The following TULP4 variants were observed in gnomAD, a reference collection of about 807,000 sequenced individuals.
TULP4 encodes TUB like protein 4.
A neutral mutation model predicts 129.0 loss-of-function variants in TULP4; 16 were observed. That is an observed-to-expected ratio of 0.12 (90% CI 0.08 to 0.19). TULP4 has a LOEUF of 0.19. Among genes scored for constraint, TULP4 ranks in the 10% least tolerant of loss-of-function variants. The probability of loss-of-function intolerance (pLI) is 1.00; values close to 1 mark genes in which losing one functional copy is unlikely to be tolerated. For synonymous variants in TULP4, 998 were observed against 854.0 expected (o/e 1.17, Z -2.94); for missense variants, 1,842 against 2,059.1 (o/e 0.89, Z 2.04).
chr6:158,506,222 CTT>C (rs61292138), intron 13 of TULP4, among the ~76,000 whole-genome samples: 25 of 55,494 alleles, frequency 4.5e-4, no homozygotes, highest in African/African-American at 7.0e-4. Context: ...TCGCCTTGTT[CTT>C]TTTTTTTTTT....
Position 158,370,775 on chromosome 6 carries a change from A to G in TULP4, c.253-42290A>G, listed in dbSNP as rs556809912. Among the ~76,000 whole-genome samples the G allele has an allele frequency of 2.6e-5, 4 of 152,356 alleles. No individual in the cohort carries two copies. In the South Asian group the frequency reaches 8.3e-4, roughly 32 times the overall value. Reference sequence around the variant, plus strand: ...CCCAAGTTTAAGCAGGGGTACCCTCACTAGATTGTTGGGGCAAATTGTGCA... The same window carrying G: ...CCCAAGTTTAAGCAGGGGTACCCTCGCTAGATTGTTGGGGCAAATTGTGCA... On this transcript the variant is annotated intron_variant, in intron 1 of 13. Coordinates refer to ENST00000367097, the MANE Select transcript of TULP4 (RefSeq NM_020245.5).
At chr6:158,300,228 C>G (rs1275630225) in intron 1 of TULP4, among the ~76,000 whole-genome samples, 1 of 152,206 alleles carries the variant, frequency 6.6e-6, no homozygotes, top group Non-Finnish European at 1.5e-5. Flanking sequence ...GAAACACAAG[C>G]ATACCCTCTT....
At chr6:158,416,740 A>C (rs2115019698) in intron 2 of TULP4, among the ~76,000 whole-genome samples, 1 of 152,210 alleles carries the variant, frequency 6.6e-6, no homozygotes, top group South Asian at 2.1e-4. Flanking sequence ...GCCTTCAGTC[A>C]CTCTCCACTC....
chr6:158,364,986 C>T (rs991943252), intron 1 of TULP4, among the ~76,000 whole-genome samples: 21 of 151,926 alleles, frequency 1.4e-4, no homozygotes, highest in African/African-American at 2.2e-4. Flanking sequence ...CCACCTGCCT[C>T]GGCCTCCCAA....
intron 1 of TULP4, among the ~76,000 whole-genome samples, chr6:158,253,027 G>A (rs1778173440): frequency 6.6e-6 from 1 of 152,234 alleles, no homozygotes; most frequent in Non-Finnish European, 1.5e-5. Flanking sequence ...CAGGGATGCT[G>A]CTTTGCATGT....
chr6:158,315,690 T>C (rs1324819568), intron 1 of TULP4, among the ~76,000 whole-genome samples: 1 of 152,106 alleles, frequency 6.6e-6, no homozygotes, highest in Non-Finnish European at 1.5e-5. Flanking sequence ...CAACAGAAAT[T>C]TATTGCTTAC....
intron 1 of TULP4, among the ~76,000 whole-genome samples, chr6:158,250,666 A>G (rs908443101): frequency 3.3e-5 from 5 of 152,144 alleles, no homozygotes; most frequent in Admixed American, 1.3e-4. Flanking sequence ...GTGTTTCGCA[A>G]ATACCTCTTG....
chr6:158,240,475 AC>A (rs1168081465), intron 1 of TULP4, among the ~76,000 whole-genome samples: 3 of 64,938 alleles, frequency 4.6e-5, no homozygotes, highest in African/African-American at 1.0e-4. Context: ...CGGAAGGCTG[AC>A]CCCCCCACCT....
rs184131475 is a variant in TULP4 at position 158,402,703 on chromosome 6, G to A, written c.253-10362G>A. 2.0e-3 allele frequency among the ~76,000 whole-genome samples: 309 copies of A among 152,196 alleles called. 1 individual carries two copies. Among genetic ancestry groups the A allele is most frequent in the Non-Finnish European group, 3.7e-3 (250 of 68,010 alleles). ...ATTTGGAAGATAATGCCATATTAAA[G>A]GTCTGAACTAAGCTGTTAGCTTTCA... On this transcript the variant is annotated intron_variant, in intron 1 of 13. Transcript: ENST00000367097.
intron 1 of TULP4, among the ~76,000 whole-genome samples, chr6:158,241,238 G>C (rs939123056): frequency 4.7e-5 from 6 of 126,492 alleles, no homozygotes; most frequent in Non-Finnish European, 7.1e-5. Context: ...TGGCGGCCGG[G>C]CGGAGACGCT....
chr6:158,305,324 C>CGTGTGTGTGTGT (rs34836137), intron 1 of TULP4, among the ~76,000 whole-genome samples: 19 of 141,850 alleles, frequency 1.3e-4, no homozygotes, highest in African/African-American at 3.7e-4. Flanking sequence ...ATTCTGTGTG[C>CGTGTGTGTGTGT]GTGTGTGTGT....
At chr6:158,346,369 T>A (rs1780311949) in intron 1 of TULP4, among the ~76,000 whole-genome samples, 1 of 152,192 alleles carries the variant, frequency 6.6e-6, no homozygotes, top group South Asian at 2.1e-4. Flanking sequence ...CTCCAGCCGG[T>A]CCCTCCCTTT....
At chr6:158,266,275 T>A (rs1778443203) in intron 1 of TULP4, among the ~76,000 whole-genome samples, 1 of 152,244 alleles carries the variant, frequency 6.6e-6, no homozygotes, top group Non-Finnish European at 1.5e-5. Flanking sequence ...ACTTTTTTTA[T>A]GGAGACAGGG....
chr6:158,327,370 GGTT>G (rs1481626088), intron 1 of TULP4, among the ~76,000 whole-genome samples: 3 of 152,062 alleles, frequency 2.0e-5, no homozygotes, highest in Non-Finnish European at 4.4e-5. Context: ...AGGGCTTTTT[GGTT>G]GTTGTTGCTT....
rs1461059156 is a variant in TULP4, at chr6:158,236,816, T to C, written n.68+4513T>C. Among the ~76,000 whole-genome samples, 313 of 116,658 alleles carry C rather than the reference T, an allele frequency of 2.7e-3. 4 individuals are homozygous for C. Among genetic ancestry groups the C allele is most frequent in the African/African-American group, 9.4e-3 (288 of 30,594 alleles). The allele number at this position is 116,658 out of a possible 152,430, so 76.5% of individuals were successfully genotyped here. On this transcript the variant is annotated intron_variant and non_coding_transcript_variant, in intron 1 of 1. Transcript: ENST00000620026. Reference sequence around the variant, plus strand: ...TTTTCTTTTTTTTTTTTTTTTTTTTTTTTTTTTTTTTTTTTGAGATAGGGT... The same window carrying C: ...TTTTCTTTTTTTTTTTTTTTTTTTTCTTTTTTTTTTTTTTTGAGATAGGGT...
At chr6:158,292,215 G>A (rs1011329331) in intron 1 of TULP4, among the ~76,000 whole-genome samples, 1 of 152,188 alleles carries the variant, frequency 6.6e-6, no homozygotes, top group Admixed American at 6.5e-5. Context: ...GTACCTAGAG[G>A]TTGGACCAAA....
intron 10 of TULP4, among the ~76,000 whole-genome samples, chr6:158,494,181 G>C (rs1184060142): frequency 2.0e-5 from 3 of 152,216 alleles, no homozygotes; most frequent in Non-Finnish European, 4.4e-5. Flanking sequence ...TTTGCCGGGA[G>C]AGGCTGACAC....
At chr6:158,239,395 G>A (rs1583664393) in intron 1 of TULP4, among the ~76,000 whole-genome samples, 1 of 66,904 alleles carries the variant, frequency 1.5e-5, no homozygotes, top group African/African-American at 4.5e-5. Flanking sequence ...GGACGGGGCG[G>A]CTGGCCGGGC....
intron 3 of TULP4, among the ~76,000 whole-genome samples, chr6:158,445,843 T>A (rs1262232686): frequency 2.6e-5 from 4 of 152,110 alleles, no homozygotes; most frequent in Non-Finnish European, 5.9e-5. Context: ...CAGTTGGATG[T>A]GAGAGTCTGG....
Sources: gnomAD v4.1 joint callset for allele counts (sites outside exome capture counted in the v4.1 genomes callset) on GRCh38, gnomAD v4.1.1 for gene constraint, MANE v1.5 for transcripts, NCBI Gene and HGNC (gene_info 2026-07-23, HGNC 2026-07-21) for gene names.